Variants in N4BP1 observed in about 807,000 individuals in gnomAD.
N4BP1 encodes NEDD4-binding protein 1.
Under a neutral mutation model 70.9 loss-of-function variants are expected in N4BP1, and 21 were observed. That is an observed-to-expected ratio of 0.30 (90% CI 0.21 to 0.43). N4BP1 has a LOEUF of 0.43. N4BP1 is among the 20% of genes least tolerant of loss of function. The probability of loss-of-function intolerance (pLI) is 1.00; values close to 1 mark genes in which losing one functional copy is unlikely to be tolerated. For synonymous variants in N4BP1, 387 were observed against 394.6 expected (o/e 0.98, Z 0.23); for missense variants, 936 against 1,069.4 (o/e 0.88, Z 1.74).
At chr16:48,608,907 C>T (rs1764304869) in intron 1 of N4BP1, among the ~76,000 whole-genome samples, 2 of 151,878 alleles carry the variant, frequency 1.3e-5, no homozygotes, top group African/African-American at 2.4e-5. Flanking sequence ...CAAAGAATAA[C>T]GCTATTTTTT....
In N4BP1 at chr16:48,542,053, T is replaced by C. The variant is rs1053340878; in HGVS notation, c.*851A>G. 2.6e-5 allele frequency: 4 copies of C among 152,610 alleles called. No individual in the cohort carries two copies. The highest frequency in any genetic ancestry group is 9.6e-5 in the African/African-American group (4 of 41,460). 9.5% of individuals were successfully genotyped at this position (152,610 alleles called of 1,614,324 possible). On this transcript the variant is annotated 3_prime_UTR_variant, in exon 7 of 7. Transcript: ENST00000262384. ...ATAACCCGCTACGGTGTTCAGAAGC[T>C]AAGACGTGACTTCCAGAGCCAGGCC...
intron 1 of N4BP1, among the ~76,000 whole-genome samples, chr16:48,583,415 C>T (rs1283784105): frequency 5.9e-5 from 9 of 152,128 alleles, no homozygotes; most frequent in Non-Finnish European, 1.2e-4. Flanking sequence ...GGAAGGGATT[C>T]TGGAGATGTT....
At chr16:48,594,791 C>T (rs1340580474) in intron 1 of N4BP1, among the ~76,000 whole-genome samples, 1 of 152,092 alleles carries the variant, frequency 6.6e-6, no homozygotes, top group Non-Finnish European at 1.5e-5. Flanking sequence ...TCTAATATGC[C>T]TCACTATATG....
Position 48,561,162 on chromosome 16 carries a change from G to A in N4BP1, c.1481C>T (p.Pro494Leu). The change falls in exon 2 of 7, where the codon CCT becomes CTT. Residue 494 changes from proline to leucine, a missense_variant. Physicochemically the swap from Pro to Leu is moderately conservative, Grantham distance 98 (BLOSUM62 -3). Coordinates refer to ENST00000262384, the MANE Select transcript of N4BP1 (RefSeq NM_153029.4). ...TTTGGGACTTGGAGAGGCAACAGAA[G>A]GTGAAAGGCCATCAGTTTCAGGGTC... Reference protein sequence around the residue: ...NTDPETDGLSPSVASPSPKEV... With the variant: ...NTDPETDGLSLSVASPSPKEV... The A allele has an allele frequency of 1.2e-6, 2 of 1,614,024 alleles. No individual in the cohort carries two copies. Among genetic ancestry groups the A allele is most frequent in the Non-Finnish European group, 1.7e-6 (2 of 1,179,880 alleles).
At chr16:48,577,507 T>C (rs923692511) in intron 1 of N4BP1, 8 of 160,962 alleles carry the variant, frequency 5.0e-5, no homozygotes, top group Admixed American at 1.9e-4. Context: ...TCACTTTATT[T>C]TTCTTGTATA....
chr16:48,545,815 C>T (rs750399989), intron 6 of N4BP1, among the ~76,000 whole-genome samples: 3 of 151,944 alleles, frequency 2.0e-5, no homozygotes, highest in Non-Finnish European at 4.4e-5. Context: ...TCCTTGAGCT[C>T]AGGAGTTTCA....
chr16:48,581,948 T>C (rs532722624), intron 1 of N4BP1, among the ~76,000 whole-genome samples: 7 of 151,774 alleles, frequency 4.6e-5, no homozygotes, highest in Non-Finnish European at 8.8e-5. Flanking sequence ...AAAACAAAAA[T>C]AGACTAACAG....
chr16:48,589,745 A>G (rs960712369), intron 1 of N4BP1, among the ~76,000 whole-genome samples: 4 of 152,226 alleles, frequency 2.6e-5, no homozygotes, highest in African/African-American at 9.6e-5. Flanking sequence ...TGCCAAAGGA[A>G]TTCACTTTGT....
intron 1 of N4BP1, among the ~76,000 whole-genome samples, chr16:48,585,078 C>T (rs1255984069): frequency 2.0e-5 from 3 of 151,654 alleles, no homozygotes; most frequent in Non-Finnish European, 4.4e-5. Flanking sequence ...ATTACAGGCA[C>T]CTGCCACCAT....
At chr16:48,584,827 T>G (rs116182727) in intron 1 of N4BP1, among the ~76,000 whole-genome samples, 1,715 of 152,290 alleles carry the variant, frequency 0.011, 31 homozygotes, top group African/African-American at 0.039. Context: ...TCCAAATTTG[T>G]GTAATCAAAA....
chr16:48,606,577 A>G (rs1364038617), intron 1 of N4BP1, among the ~76,000 whole-genome samples: 2 of 152,118 alleles, frequency 1.3e-5, no homozygotes, highest in Non-Finnish European at 2.9e-5. Context: ...TTCTACGACA[A>G]ATCTTCCCTT....
Position 48,562,050 on chromosome 16 carries a change from T to A in N4BP1, c.593A>T (p.Glu198Val). ...TTCAATAACCTCATCATCTCCTGTT[T>A]CAAAGAGATTCTCCTCACCTTGTGT... Reference protein sequence around the residue: ...TLTQGEENLFETGDDEVIEMR... With the variant: ...TLTQGEENLFVTGDDEVIEMR... The change falls in exon 2 of 7, where the codon GAA becomes GTA. Residue 198 changes from glutamate (E) to valine (V), a missense_variant. By Grantham distance (121) the Glu-to-Val change is moderately radical. Around this residue, in one of 4 missense-constraint regions of N4BP1, gnomAD observed 515 missense variants for 491.7 expected, o/e 1.05. Transcript: ENST00000262384. The A allele has an allele frequency of 2.5e-6, 4 of 1,613,894 alleles. No individual in the cohort carries two copies. Among genetic ancestry groups the A allele is most frequent in the Non-Finnish European group, 3.4e-6 (4 of 1,179,868 alleles).
rs1374075556 is a variant in N4BP1 at position 48,539,076 on chromosome 16, T to C, written c.*3828A>G. ...GAGCCCACAGGTCATGGGAAACATG[T>C]GGCTGCAGGGAGAGTTTGGGGACAG... On this transcript the variant is annotated 3_prime_UTR_variant, in exon 7 of 7. Transcript: ENST00000262384. 1 of 152,280 alleles carries C rather than the reference T, an allele frequency of 6.6e-6. No individual in the cohort carries two copies. Among genetic ancestry groups the C allele is most frequent in the African/African-American group, 2.4e-5 (1 of 41,420 alleles). 9.4% of individuals were successfully genotyped at this position (152,280 alleles called of 1,614,324 possible).
Position 48,609,765 on chromosome 16 carries a change from C to T in N4BP1, c.198+10G>A. 2 of 1,356,584 alleles carry T rather than the reference C, an allele frequency of 1.5e-6. No homozygotes were observed. The highest frequency in any genetic ancestry group is 1.7e-5 in the South Asian group (1 of 59,478). The allele number at this position is 1,356,584 out of a possible 1,614,324, so 84.0% of individuals were successfully genotyped here. On this transcript the variant is annotated intron_variant, in intron 1 of 6. Transcript: ENST00000262384. ...GGCCGCGGGCGCGCGGGGGCGGCGGCCGGACTCACCTTGGCGCTGTGCACC... is the reference window on the plus strand; with the variant it reads ...GGCCGCGGGCGCGCGGGGGCGGCGGTCGGACTCACCTTGGCGCTGTGCACC...
intron 1 of N4BP1, among the ~76,000 whole-genome samples, chr16:48,605,400 C>T (rs1567448596): frequency 6.6e-6 from 1 of 152,202 alleles, no homozygotes; most frequent in Non-Finnish European, 1.5e-5. Flanking sequence ...CTTTCCACCA[C>T]TGCTTCACAG....
intron 1 of N4BP1, among the ~76,000 whole-genome samples, chr16:48,574,379 G>A (rs1424368455): frequency 6.6e-6 from 1 of 152,150 alleles, no homozygotes; most frequent in Non-Finnish European, 1.5e-5. Flanking sequence ...ATGAAATATT[G>A]AGTAATTCAT....
At position 48,542,123 on chromosome 16, in the gene N4BP1, G is replaced by C. The variant is rs1963508824; in HGVS notation, c.*781C>G. ...ACTGTGGGCGTGTCAAGCCCTGGCT[G>C]GGGAGCCTGCTGCCTGCCCGGCCAC... is the stretch of plus-strand genomic sequence containing the variant. On this transcript the variant is annotated 3_prime_UTR_variant, in exon 7 of 7. Transcript: ENST00000262384. 1 of 152,370 alleles carries C rather than the reference G, an allele frequency of 6.6e-6. No individual in the cohort carries two copies. The highest frequency in any genetic ancestry group is 1.5e-5 in the Non-Finnish European group (1 of 68,094). 9.4% of individuals were successfully genotyped at this position (152,370 alleles called of 1,614,324 possible).
chr16:48,562,950 GT>G (rs775999885), intron 1 of N4BP1, among the ~76,000 whole-genome samples: 2 of 150,588 alleles, frequency 1.3e-5, no homozygotes, highest in Non-Finnish European at 2.9e-5. Context: ...GCAAAAGCAA[GT>G]TTATTAAGAA....
At chr16:48,605,693 GA>G (rs1964569407) in intron 1 of N4BP1, among the ~76,000 whole-genome samples, 1 of 152,184 alleles carries the variant, frequency 6.6e-6, no homozygotes, top group South Asian at 2.1e-4. Flanking sequence ...TCTTACTATT[GA>G]AAACCAGCAA....
Sources: allele counts gnomAD v4.1 joint callset (sites outside exome capture counted in the v4.1 genomes callset), GRCh38; gene constraint gnomAD v4.1.1; regional missense constraint gnomAD v4.1.1; transcripts MANE v1.5; gene names NCBI Gene and HGNC (gene_info 2026-07-23, HGNC 2026-07-21).